Variants in WDR62 observed in about 807,000 individuals in gnomAD.
WDR62 encodes WD repeat domain 62, also known as WD repeat-containing protein 62.
In WDR62, 112 loss-of-function variants were observed where a neutral mutation model predicts 160.6. The observed-to-expected ratio is 0.70, with a 90% CI of 0.60 to 0.82. The LOEUF is 0.82. Ranked by LOEUF, WDR62 falls within the 40% of genes least tolerant of loss-of-function variation. WDR62 has a pLI of 0.00. For missense variants in WDR62, 1,819 were observed against 1,983.8 expected, an observed-to-expected ratio of 0.92 and a Z score of 1.58; for synonymous variants, 792 against 815.1, an observed-to-expected ratio of 0.97 and a Z score of 0.48.
At chr19:36,069,963 G>GCAAA (rs1224943127) in intron 7 of WDR62, among the ~76,000 whole-genome samples, 2 of 151,742 alleles carry the variant, frequency 1.3e-5, no homozygotes, top group Non-Finnish European at 2.9e-5. Flanking sequence ...GTCCAGCTTT[G>GCAAA]GCTCGGCATC....
Position 36,103,956 on chromosome 19 carries a change from T to TGCCTCCCTCCTGGA in WDR62, c.4132_4145dup (p.Thr1383ProfsTer37). ...CCCGGCCTGGCATCCCTGGCGGCAC[T>TGCCTCCCTCCTGGA]GCCTCCCTCCTGGAGCCCACCTCCG... On this transcript the variant is annotated frameshift_variant, in exon 30 of 32. Transcript: ENST00000401500. LOFTEE classifies it high-confidence loss of function. 1.3e-6 allele frequency: 2 copies of TGCCTCCCTCCTGGA among 1,598,424 alleles called. No homozygotes were observed. Among genetic ancestry groups the TGCCTCCCTCCTGGA allele is most frequent in the Non-Finnish European group, 1.7e-6 (2 of 1,179,896 alleles).
At position 36,105,032 on chromosome 19, in the gene WDR62, C is replaced by G. The variant is rs922722873; in HGVS notation, c.*4C>G. ...GAGGAAGGCACGGGGGCACTGAGGGCGCAGCCCCTCCACCGCAGCCCTGCT... is the reference window on the plus strand; with the variant it reads ...GAGGAAGGCACGGGGGCACTGAGGGGGCAGCCCCTCCACCGCAGCCCTGCT... On this transcript the variant is annotated 3_prime_UTR_variant, in exon 32 of 32. Coordinates refer to ENST00000401500, the MANE Select transcript of WDR62 (RefSeq NM_001083961.2). 1 of 1,591,630 alleles carries G rather than the reference C, an allele frequency of 6.3e-7. No individual in the cohort carries two copies. Among genetic ancestry groups the G allele is most frequent in the Admixed American group, 1.7e-5 (1 of 58,580 alleles).
At chr19:36,077,413 T>A (rs1341928887) in intron 9 of WDR62, among the ~76,000 whole-genome samples, 1 of 151,156 alleles carries the variant, frequency 6.6e-6, no homozygotes, top group Non-Finnish European at 1.5e-5. Flanking sequence ...CCTGAGCAGC[T>A]GAGACTACAG....
At chr19:36,092,608 G>A in intron 18 of WDR62, 81 bp from the exon 19 acceptor site, 2 of 1,578,228 alleles carry the variant, frequency 1.3e-6, no homozygotes, top group Non-Finnish European at 1.7e-6. Flanking sequence ...CTGTGGTGTG[G>A]GTGGCTTCAG....
chr19:36,073,556 C>T (rs764282307), intron 9 of WDR62, 25 bp downstream of exon 9: 2 of 1,316,782 alleles, frequency 1.5e-6, no homozygotes, highest in Non-Finnish European at 2.1e-6. Flanking sequence ...CACCCCCTTG[C>T]CCCTGCTTGG....
At chr19:36,101,135 C>T in intron 23 of WDR62, 79 bp from the exon 24 acceptor site, 1 of 1,389,750 alleles carries the variant, frequency 7.2e-7, no homozygotes, top group Admixed American at 2.0e-5. Flanking sequence ...GTACAGGTGC[C>T]TAGGGGCTCC....
At position 36,103,951 on chromosome 19, in the gene WDR62, G is replaced by A. The variant is rs17851503; in HGVS notation, c.4123G>A (p.Gly1375Ser). The A allele has an allele frequency of 0.043, 69,530 of 1,598,538 alleles. 1,760 individuals carry two copies. Among genetic ancestry groups the A allele is most frequent in the Middle Eastern group, 0.069 (395 of 5,702 alleles). The change falls in exon 30 of 32, where the codon GGC becomes AGC. Residue 1375 changes from glycine (G) to serine (S), a missense_variant. Gly to Ser is a moderately conservative substitution (Grantham distance 56). Transcript: ENST00000401500. ...AGAGGCCCGGCCTGGCATCCCTGGC[G>A]GCACTGCCTCCCTCCTGGAGCCCAC... ...LPEARPGIPG[G>S]TASLLEPTSG...
Position 36,094,179 on chromosome 19 carries a change from C to T in WDR62, c.2467+15C>T, listed in dbSNP as rs1276054919. ...CTTGGATCCAGGTTGGAAAAGGGGC[C>T]CTATTTTGAACTATGTCAGTGTAGG... On this transcript the variant is annotated intron_variant, in intron 20 of 31. Coordinates refer to ENST00000401500, the MANE Select transcript of WDR62 (RefSeq NM_001083961.2). 3 of 1,613,340 alleles carry T rather than the reference C, an allele frequency of 1.9e-6. No individual in the cohort carries two copies. Among genetic ancestry groups the T allele is most frequent in the Non-Finnish European group, 2.5e-6 (3 of 1,179,864 alleles).
chr19:36,103,018 C>G lies in WDR62; in HGVS notation c.3406C>G (p.Arg1136Gly), dbSNP rs587784556. The change falls in exon 28 of 32, where the codon CGA becomes GGA. Residue 1136 changes from arginine to glycine, a missense_variant. Coordinates refer to ENST00000401500, the MANE Select transcript of WDR62 (RefSeq NM_001083961.2). Reference protein sequence around the residue: ...VKSPEVKLMDRGGSQPRAGTG... With the variant: ...VKSPEVKLMDGGGSQPRAGTG... ...GTCTCCAGAGGTCAAGCTCATGGAC[C>G]GAGGCGGAAGCCAGCCCAGAGCAGG... 4.3e-6 allele frequency: 7 copies of G among 1,614,108 alleles called. No homozygotes were observed. In the South Asian group the frequency reaches 5.5e-5, roughly 13 times the overall value.
intron 1 of WDR62, among the ~76,000 whole-genome samples, chr19:36,056,069 G>A (rs1476488093): frequency 1.3e-5 from 2 of 152,196 alleles, no homozygotes; most frequent in Non-Finnish European, 2.9e-5. Context: ...GGAGGCTGAG[G>A]CGGGAGAAAT....
chr19:36,106,803 T>A (rs1973724810), downstream of WDR62, among the ~76,000 whole-genome samples: 1 of 152,160 alleles, frequency 6.6e-6, no homozygotes, highest in Non-Finnish European at 1.5e-5. Context: ...GTTTTTTGTT[T>A]TTGGGTTTGT....
In WDR62 at chr19:36,104,691, G is replaced by T. The variant is rs1309062277; in HGVS notation, c.4311+16G>T. 6.2e-7 allele frequency: 1 copy of T among 1,613,932 alleles called. No individual in the cohort carries two copies. Among genetic ancestry groups the T allele is most frequent in the African/African-American group, 1.3e-5 (1 of 74,938 alleles). Reference sequence around the variant, plus strand: ...TTACCGTGTGGTGAGCTAAGCCCCAGAGTTGGGAAAGGGTTGAGGGGTCTC... The same window carrying T: ...TTACCGTGTGGTGAGCTAAGCCCCATAGTTGGGAAAGGGTTGAGGGGTCTC... On this transcript the variant is annotated intron_variant, in intron 31 of 31. Coordinates refer to ENST00000401500, the MANE Select transcript of WDR62 (RefSeq NM_001083961.2).
rs557806006 is a variant in WDR62 at position 36,082,919 on chromosome 19, G to A, written c.1372-144G>A. ...TCTTATCTAGCTGCAGGGGAGGCAA[G>A]GAAATAATTATTCTGATTGGTGAAA... On this transcript the variant is annotated intron_variant, in intron 10 of 31. Transcript: ENST00000401500. 12 of 719,762 alleles carry A rather than the reference G, an allele frequency of 1.7e-5. No homozygotes were observed. The South Asian group carries it at 1.7e-4, about 10-fold the overall frequency. The allele number at this position is 719,762 out of a possible 1,614,324, so 44.6% of individuals were successfully genotyped here.
intron 7 of WDR62, among the ~76,000 whole-genome samples, chr19:36,070,027 G>T (rs1971208459): frequency 6.6e-6 from 1 of 151,964 alleles, no homozygotes. Flanking sequence ...GAGGGAGAGG[G>T]AGACCGTGGG....
At chr19:36,105,342 C>A (rs1316943032), downstream of WDR62, among the ~76,000 whole-genome samples, 4 of 152,106 alleles carry the variant, frequency 2.6e-5, no homozygotes, top group African/African-American at 7.2e-5. Context: ...CCATTTGTGC[C>A]CCAGGGAGGA....
At chr19:36,105,132 C>A, downstream of WDR62, 1 of 1,436,462 alleles carries the variant, frequency 7.0e-7, no homozygotes, top group Non-Finnish European at 9.4e-7. Flanking sequence ...CTGTTTGGGC[C>A]TATCCACAAA....
intron 13 of WDR62, among the ~76,000 whole-genome samples, chr19:36,087,960 G>A (rs1972352519): frequency 1.3e-5 from 2 of 152,182 alleles, no homozygotes; most frequent in Admixed American, 6.5e-5. Context: ...TGTTAAATAC[G>A]GTACTTGGAT....
At position 36,103,867 on chromosome 19, in the gene WDR62, A is replaced by G. The variant is rs766621966; in HGVS notation, c.4039A>G (p.Ser1347Gly). Reference protein sequence around the residue: ...LRLHGSAFRPSLPAPESPGLP... With the variant: ...LRLHGSAFRPGLPAPESPGLP... Reference sequence around the variant, plus strand: ...GCTCCACGGCTCTGCCTTTCGCCCAAGTCTCCCAGCTCCTGAGTCCCCTGG... The same window carrying G: ...GCTCCACGGCTCTGCCTTTCGCCCAGGTCTCCCAGCTCCTGAGTCCCCTGG... The change falls in exon 30 of 32, where the codon AGT (serine) becomes GGT (glycine). Residue 1347 changes from serine to glycine, a missense_variant. Ser to Gly is a moderately conservative substitution (Grantham distance 56). Coordinates refer to ENST00000401500, the MANE Select transcript of WDR62 (RefSeq NM_001083961.2). 3.7e-6 allele frequency: 6 copies of G among 1,602,134 alleles called. No homozygotes were observed. Among genetic ancestry groups the G allele is most frequent in the African/African-American group, 1.3e-5 (1 of 74,912 alleles).
intron 21 of WDR62, 93 bp downstream of exon 21, chr19:36,097,172 C>T (rs1973022962): frequency 8.0e-7 from 1 of 1,249,312 alleles, no homozygotes; most frequent in Admixed American, 1.9e-5. Context: ...TTCCATGTCC[C>T]TCTTTTCCCT....
Sources: gnomAD v4.1 joint callset for allele counts (sites outside exome capture counted in the v4.1 genomes callset) on GRCh38, gnomAD v4.1.1 for gene constraint, MANE v1.5 for transcripts, NCBI Gene and HGNC (gene_info 2026-07-23, HGNC 2026-07-21) for gene names.